LIMD1: variants seen among roughly 807,000 people sequenced by gnomAD.
LIMD1 encodes LIM domain-containing protein 1.
In LIMD1, 23 loss-of-function variants were observed where a neutral mutation model predicts 58.4. The observed-to-expected ratio is 0.39, with a 90% CI of 0.28 to 0.56. The LOEUF (loss-of-function observed/expected upper bound fraction) is 0.56, where lower values mean the gene tolerates loss of function less well. Ranked by LOEUF, LIMD1 falls within the 20% of genes least tolerant of loss-of-function variation. The pLI is 0.57. For synonymous variants in LIMD1, 334 were observed against 345.5 expected (o/e 0.97, Z 0.37); for missense variants, 838 against 855.5 (o/e 0.98, Z 0.25).
At chr3:45,601,578 C>CGTGTGTCAAGTGCCAGTG (rs1425066875) in intron 1 of LIMD1, among the ~76,000 whole-genome samples, 5 of 152,170 alleles carry the variant, frequency 3.3e-5, no homozygotes, top group Non-Finnish European at 5.9e-5. Flanking sequence ...TAGTAGCTAC[C>CGTGTGTCAAGTGCCAGTG]GTGTGTCAAG....
At position 45,672,091 on chromosome 3, in the gene LIMD1, T is replaced by C. The variant is rs1319553546; in HGVS notation, c.1642-599T>C. Among the ~76,000 whole-genome samples the C allele has an allele frequency of 2.0e-5, 3 of 152,222 alleles. No homozygotes were observed. In the East Asian group the frequency reaches 5.8e-4, roughly 29 times the overall value. ...TTTAAAAACAACAACAGAGAAACTT[T>C]ACTTATTACACTTGGATTTGAGGTC... On this transcript the variant is annotated intron_variant, in intron 4 of 7. Transcript: ENST00000273317.
intron 1 of LIMD1, among the ~76,000 whole-genome samples, chr3:45,597,379 G>A (rs1701368599): frequency 6.6e-6 from 1 of 152,190 alleles, no homozygotes; most frequent in Admixed American, 6.5e-5. Flanking sequence ...CCAACAGCCA[G>A]GTTGCACCAC....
At position 45,654,256 on chromosome 3, in the gene LIMD1, C is replaced by T. The variant is rs1702003609; in HGVS notation, c.1511-11394C>T. ...GAAACTCTTCTCATTGTTGGGAAAC[C>T]CTTGCATTTTTACTTCTCAGGGAGA... On this transcript the variant is annotated intron_variant, in intron 2 of 7. Coordinates refer to ENST00000273317, the MANE Select transcript of LIMD1 (RefSeq NM_014240.3). Among the ~76,000 whole-genome samples the T allele has an allele frequency of 3.9e-5, 6 of 152,186 alleles. No homozygotes were observed. In the South Asian group the frequency reaches 1.2e-3, roughly 32 times the overall value.
chr3:45,631,061 A>G (rs935153911), intron 1 of LIMD1, among the ~76,000 whole-genome samples: 13 of 152,106 alleles, frequency 8.5e-5, no homozygotes, highest in African/African-American at 3.1e-4. Flanking sequence ...AAAATTAGTC[A>G]GGCATGGTGG....
At position 45,595,238 on chromosome 3, in the gene LIMD1, T is replaced by A; in HGVS notation, c.359T>A (p.Leu120His). Reference protein sequence around the residue: ...STGAPGAVTTLAAGQPPYPPQ... With the variant: ...STGAPGAVTTHAAGQPPYPPQ... ...GGGGCACCTGGGGCAGTCACCACCC[T>A]CGCTGCTGGGCAGCCCCCGTACCCA... Residue 120 changes from leucine to histidine, a missense_variant, in exon 1 of 8, where the codon CTC becomes CAC. Transcript: ENST00000273317. The A allele has an allele frequency of 6.2e-7, 1 of 1,604,316 alleles. No individual in the cohort carries two copies. The highest frequency in any genetic ancestry group is 8.5e-7 in the Non-Finnish European group (1 of 1,175,086).
At chr3:45,661,913 A>G (rs1352163028) in intron 2 of LIMD1, among the ~76,000 whole-genome samples, 1 of 152,088 alleles carries the variant, frequency 6.6e-6, no homozygotes, top group African/African-American at 2.4e-5. Context: ...GTGCCCCACT[A>G]CACCTAGCTA....
At chr3:45,674,299 C>CT (rs764635881) in intron 6 of LIMD1, 44 bp from the exon 7 acceptor site, 1 of 1,556,454 alleles carries the variant, frequency 6.4e-7, no homozygotes, top group Non-Finnish European at 8.9e-7. Flanking sequence ...GACAGCCCCC[C>CT]TAACAGGCCT....
Position 45,676,995 on chromosome 3 carries a change from C to T in LIMD1, c.1967C>T (p.Ser656Phe). Reference protein sequence around the residue: ...YPLEDHLFCHSCHVKRLEKRP... With the variant: ...YPLEDHLFCHFCHVKRLEKRP... Reference sequence around the variant, plus strand: ...CTGGAGGACCACCTGTTCTGTCACTCCTGCCACGTGAAGAGGCTGGAGAAG... The same window carrying T: ...CTGGAGGACCACCTGTTCTGTCACTTCTGCCACGTGAAGAGGCTGGAGAAG... Residue 656 changes from serine (S) to phenylalanine (F), a missense_variant, in exon 8 of 8, where the codon TCC (serine) becomes TTC (phenylalanine). Coordinates refer to ENST00000273317, the MANE Select transcript of LIMD1 (RefSeq NM_014240.3). 3 of 1,614,176 alleles carry T rather than the reference C, an allele frequency of 1.9e-6. No individual in the cohort carries two copies. Among genetic ancestry groups the T allele is most frequent in the Non-Finnish European group, 1.7e-6 (2 of 1,180,018 alleles).
chr3:45,640,480 T>G (rs1306438766), intron 2 of LIMD1, among the ~76,000 whole-genome samples: 1 of 152,162 alleles, frequency 6.6e-6, no homozygotes, highest in African/African-American at 2.4e-5. Context: ...CAGGCTGGAG[T>G]GCAGTGGCAT....
intron 1 of LIMD1, among the ~76,000 whole-genome samples, chr3:45,605,970 C>T (rs1443485215): frequency 1.3e-5 from 2 of 152,180 alleles, no homozygotes; most frequent in Non-Finnish European, 2.9e-5. Flanking sequence ...CTGTGGGCTC[C>T]GTGGATGCCT....
intron 2 of LIMD1, among the ~76,000 whole-genome samples, chr3:45,664,398 G>T (rs570755982): frequency 6.6e-6 from 1 of 152,262 alleles, no homozygotes; most frequent in East Asian, 1.9e-4. Flanking sequence ...ACTGCACTCT[G>T]TTAGAGTATT....
intron 1 of LIMD1, among the ~76,000 whole-genome samples, chr3:45,622,990 A>G (rs1701640652): frequency 6.6e-6 from 1 of 152,166 alleles, no homozygotes; most frequent in Non-Finnish European, 1.5e-5. Context: ...TTGATGCATC[A>G]TGCCAAACTG....
At chr3:45,667,480 A>G (rs1005795048) in intron 3 of LIMD1, among the ~76,000 whole-genome samples, 2 of 151,532 alleles carry the variant, frequency 1.3e-5, no homozygotes, top group Non-Finnish European at 2.9e-5. Context: ...TGTTTTTCCC[A>G]GCTTCCTTTC....
intron 1 of LIMD1, among the ~76,000 whole-genome samples, chr3:45,625,489 G>A (rs771954946): frequency 1.3e-5 from 2 of 152,060 alleles, no homozygotes; most frequent in African/African-American, 4.8e-5. Flanking sequence ...TGCTTATTTG[G>A]CATCTACTGT....
intron 1 of LIMD1, among the ~76,000 whole-genome samples, chr3:45,624,881 CT>C (rs59284051): frequency 0.23 from 32,213 of 138,218 alleles, 3,250 homozygotes; most frequent in East Asian, 0.34. Context: ...TGCTATCTTC[CT>C]TTTTTTTTTT....
chr3:45,602,214 C>T (rs1190977203), intron 1 of LIMD1, among the ~76,000 whole-genome samples: 2 of 152,186 alleles, frequency 1.3e-5, no homozygotes, highest in Non-Finnish European at 2.9e-5. Context: ...TCCCAAAGTG[C>T]TGGGATTATA....
chr3:45,610,532 G>A (rs931266235), intron 1 of LIMD1, among the ~76,000 whole-genome samples: 3 of 152,194 alleles, frequency 2.0e-5, no homozygotes, highest in African/African-American at 2.4e-5. Flanking sequence ...GTTTGGCAGG[G>A]AGCAGGGAGA....
At chr3:45,615,402 A>G (rs1213301092) in intron 1 of LIMD1, among the ~76,000 whole-genome samples, 1 of 152,136 alleles carries the variant, frequency 6.6e-6, no homozygotes, top group Non-Finnish European at 1.5e-5. Flanking sequence ...CTTTTGTTAC[A>G]TGGATCTATT....
At chr3:45,651,158 T>A (rs1575359917) in intron 2 of LIMD1, among the ~76,000 whole-genome samples, 1 of 152,220 alleles carries the variant, frequency 6.6e-6, no homozygotes, top group East Asian at 1.9e-4. Context: ...TCTGTTCATA[T>A]CCTTTGCACA....
Sources: gnomAD v4.1 joint callset for allele counts (sites outside exome capture counted in the v4.1 genomes callset) on GRCh38, gnomAD v4.1.1 for gene constraint, MANE v1.5 for transcripts, NCBI Gene and HGNC (gene_info 2026-07-23, HGNC 2026-07-21) for gene names.